The following FAF1 variants were observed in gnomAD, a reference collection of about 807,000 sequenced individuals.
FAF1 encodes FAS-associated factor 1.
A neutral mutation model predicts 92.5 loss-of-function variants in FAF1; 25 were observed. The observed-to-expected ratio is 0.27, with a 90% CI of 0.20 to 0.38. FAF1 has a LOEUF of 0.38. Among genes scored for constraint, FAF1 ranks in the 10% least tolerant of loss-of-function variants. The pLI is 1.00. For missense variants in FAF1, 636 were observed against 793.3 expected, an observed-to-expected ratio of 0.80 and a Z score of 2.38; for synonymous variants, 234 against 273.2, an observed-to-expected ratio of 0.86 and a Z score of 1.42.
intron 4 of FAF1, among the ~76,000 whole-genome samples, chr1:50,751,940 G>A (rs772715339): frequency 1.6e-4 from 25 of 152,242 alleles, no homozygotes; most frequent in East Asian, 1.5e-3. Context: ...GCCATCTAGC[G>A]TTTCAGGTTT....
At chr1:50,794,053 T>C (rs1159914549) in intron 3 of FAF1, among the ~76,000 whole-genome samples, 2 of 152,218 alleles carry the variant, frequency 1.3e-5, no homozygotes, top group African/African-American at 4.8e-5. Context: ...GAAATACTTC[T>C]GGTCCTATGC....
chr1:50,891,304 A>G (rs1644717906), intron 1 of FAF1, among the ~76,000 whole-genome samples: 1 of 152,022 alleles, frequency 6.6e-6, no homozygotes, highest in Non-Finnish European at 1.5e-5. Context: ...ATGGGTTCGA[A>G]CATCTTCCTT....
chr1:50,516,152 T>C (rs1647216868), intron 15 of FAF1, among the ~76,000 whole-genome samples: 1 of 152,156 alleles, frequency 6.6e-6, no homozygotes, highest in African/African-American at 2.4e-5. Flanking sequence ...AGAGCTAGGA[T>C]TTGAATTCAG....
At chr1:50,637,632 G>C (rs1401109626) in intron 8 of FAF1, among the ~76,000 whole-genome samples, 1 of 151,230 alleles carries the variant, frequency 6.6e-6, no homozygotes, top group African/African-American at 2.4e-5. Context: ...TAAAAATACT[G>C]AATGTAGGCC....
At chr1:50,518,130 G>C (rs893872122) in intron 15 of FAF1, among the ~76,000 whole-genome samples, 18 of 152,036 alleles carry the variant, frequency 1.2e-4, no homozygotes, top group African/African-American at 3.9e-4. Context: ...ACGCTTTCCT[G>C]AATACTCTCT....
chr1:50,488,661 G>A (rs1461218289), intron 17 of FAF1, among the ~76,000 whole-genome samples: 2 of 152,168 alleles, frequency 1.3e-5, no homozygotes, highest in Non-Finnish European at 2.9e-5. Flanking sequence ...GTACTGGAAT[G>A]GAGTATGAGA....
chr1:50,936,880 A>G (rs1373141806), intron 1 of FAF1, among the ~76,000 whole-genome samples: 1 of 152,192 alleles, frequency 6.6e-6, no homozygotes, highest in Admixed American at 6.6e-5. Flanking sequence ...GTATTTTTAC[A>G]CTGGGAGAAA....
At chr1:50,873,690 T>C (rs1333391970) in intron 1 of FAF1, among the ~76,000 whole-genome samples, 1 of 152,194 alleles carries the variant, frequency 6.6e-6, no homozygotes, top group African/African-American at 2.4e-5. Context: ...GTGCCTTAAT[T>C]TGCATGTAAT....
At chr1:50,919,993 A>T (rs1644950315) in intron 1 of FAF1, among the ~76,000 whole-genome samples, 1 of 152,300 alleles carries the variant, frequency 6.6e-6, no homozygotes, top group East Asian at 1.9e-4. Context: ...GTCTGAGGTC[A>T]GGAATGGCCA....
chr1:50,567,356 G>T, intron 12 of FAF1, 125 bp from the exon 13 acceptor site: 1 of 605,092 alleles, frequency 1.7e-6, no homozygotes, highest in Non-Finnish European at 2.6e-6. Context: ...TTCCCTAAGA[G>T]AGTACTTTAC....
intron 4 of FAF1, among the ~76,000 whole-genome samples, chr1:50,755,024 C>A (rs1367548797): frequency 6.6e-6 from 1 of 152,128 alleles, no homozygotes; most frequent in Admixed American, 6.5e-5. Flanking sequence ...GGGGACACAG[C>A]CAAACCATAT....
chr1:50,579,984 G>A (rs980601103), intron 12 of FAF1, among the ~76,000 whole-genome samples: 2 of 152,222 alleles, frequency 1.3e-5, no homozygotes, highest in Admixed American at 1.3e-4. Context: ...TTATGTAGGA[G>A]AATATCATTA....
intron 6 of FAF1, among the ~76,000 whole-genome samples, chr1:50,710,333 T>G (rs947906891): frequency 6.6e-6 from 1 of 152,196 alleles, no homozygotes; most frequent in Non-Finnish European, 1.5e-5. Flanking sequence ...AATTCCTGGA[T>G]AGCTGTGGAA....
chr1:50,724,296 T>TACAC (rs974347882), intron 6 of FAF1, among the ~76,000 whole-genome samples: 1,800 of 117,174 alleles, frequency 0.015, 29 homozygotes, highest in East Asian at 0.09. Flanking sequence ...CACACACACA[T>TACAC]ACACACACAC....
intron 6 of FAF1, among the ~76,000 whole-genome samples, chr1:50,723,546 T>C (rs910046301): frequency 5.3e-5 from 8 of 151,908 alleles, no homozygotes; most frequent in Non-Finnish European, 8.8e-5. Context: ...GAGAGTAGAG[T>C]GGCTAGAATG....
intron 18 of FAF1, among the ~76,000 whole-genome samples, chr1:50,456,607 C>T (rs1359733007): frequency 6.6e-6 from 1 of 152,164 alleles, no homozygotes; most frequent in Non-Finnish European, 1.5e-5. Context: ...TAGCTGGGAA[C>T]ATTTTATTTC....
At chr1:50,814,556 A>C (rs1484920811) in intron 2 of FAF1, among the ~76,000 whole-genome samples, 1 of 152,244 alleles carries the variant, frequency 6.6e-6, no homozygotes, top group Non-Finnish European at 1.5e-5. Context: ...AGCCAATTAT[A>C]GATATATTCA....
At position 50,681,895 on chromosome 1, in the gene FAF1, G is replaced by A. The variant is rs1410319131; in HGVS notation, c.657+23891C>T. Among the ~76,000 whole-genome samples, 3 of 151,680 alleles carry A rather than the reference G, an allele frequency of 2.0e-5. No individual in the cohort carries two copies. In the East Asian group the frequency reaches 5.9e-4, roughly 30 times the overall value. Reference sequence around the variant, plus strand: ...TGTTCCCAGGATGGAGTGCAGTAGTGCAATCTGGGCTCATTGCAACTTCCA... The same window carrying A: ...TGTTCCCAGGATGGAGTGCAGTAGTACAATCTGGGCTCATTGCAACTTCCA... On this transcript the variant is annotated intron_variant, in intron 7 of 18. Transcript: ENST00000396153.
chr1:50,766,474 G>T (rs1445953257), intron 4 of FAF1, among the ~76,000 whole-genome samples: 2 of 152,104 alleles, frequency 1.3e-5, no homozygotes, highest in Non-Finnish European at 2.9e-5. Flanking sequence ...GGGAAGTGCT[G>T]AAGATGGCCA....
Sources: allele counts gnomAD v4.1 joint callset (sites outside exome capture counted in the v4.1 genomes callset), GRCh38; gene constraint gnomAD v4.1.1; transcripts MANE v1.5; gene names NCBI Gene and HGNC (gene_info 2026-07-23, HGNC 2026-07-21).